Variants in ATXN3 observed in about 807,000 individuals in gnomAD.
The protein encoded by ATXN3 is ataxin 3, also known as ataxin-3.
A neutral mutation model predicts 58.2 loss-of-function variants in ATXN3; 28 were observed. That is an observed-to-expected ratio of 0.48 (90% CI 0.36 to 0.66). The LOEUF (loss-of-function observed/expected upper bound fraction) is 0.66. Among genes scored for constraint, ATXN3 ranks in the 30% least tolerant of loss-of-function variants. ATXN3 has a pLI of 0.00. For synonymous variants in ATXN3, 113 were observed against 138.5 expected (o/e 0.82, Z 1.29); for missense variants, 321 against 422.1 (o/e 0.76, Z 2.10).
chr14:92,104,361 C>T (rs1366572228), intron 1 of ATXN3, among the ~76,000 whole-genome samples: 2 of 152,050 alleles, frequency 1.3e-5, no homozygotes, highest in African/African-American at 4.8e-5. Flanking sequence ...AGGCTGGTCT[C>T]AAACTACTGA....
intron 1 of ATXN3, among the ~76,000 whole-genome samples, chr14:92,099,900 CAGAA>C (rs140285410): frequency 3.3e-5 from 2 of 61,016 alleles, no homozygotes; most frequent in African/African-American, 6.5e-5. Flanking sequence ...GAAAGAAAGA[CAGAA>C]AGAAAGAAAA....
chr14:92,069,488 C>T (rs370588550), intron 10 of ATXN3, among the ~76,000 whole-genome samples: 17 of 151,894 alleles, frequency 1.1e-4, no homozygotes, highest in African/African-American at 4.1e-4. Context: ...ATTCTCCTGC[C>T]TCAGCCTCCT....
At chr14:92,078,811 A>G (rs1462221139) in intron 9 of ATXN3, among the ~76,000 whole-genome samples, 1 of 152,238 alleles carries the variant, frequency 6.6e-6, no homozygotes, top group Admixed American at 6.5e-5. Context: ...GTTATAGAAT[A>G]ATATGATGAT....
In ATXN3 at chr14:92,078,638, C is replaced by T. The variant is rs377369716; in HGVS notation, c.872+2327G>A. Among the ~76,000 whole-genome samples, 336 of 152,186 alleles carry T rather than the reference C, an allele frequency of 2.2e-3. 12 individuals carry two copies. The South Asian group carries it at 0.062, about 28-fold the overall frequency. On this transcript the variant is annotated intron_variant, in intron 9 of 10. Transcript: ENST00000644486. ...TCAGCCTCCCAAAGTGCTGGGATTA[C>T]AGGTGTGAGCCACCGCGCCTGGCCT... is the stretch of plus-strand genomic sequence containing the variant.
chr14:92,103,686 G>A (rs2067395841), intron 1 of ATXN3, among the ~76,000 whole-genome samples: 1 of 152,164 alleles, frequency 6.6e-6, no homozygotes, highest in Admixed American at 6.5e-5. Context: ...CCTCTCTCAG[G>A]CACTGCAGAT....
chr14:92,085,433 G>GC (rs1023815543), intron 6 of ATXN3, among the ~76,000 whole-genome samples: 13 of 151,992 alleles, frequency 8.6e-5, no homozygotes, highest in Admixed American at 6.6e-4. Flanking sequence ...CAAGTGATCT[G>GC]CCCCCTCATC....
intron 2 of ATXN3, among the ~76,000 whole-genome samples, chr14:92,045,651 T>C (rs138300969): frequency 7.2e-5 from 11 of 151,950 alleles, no homozygotes; most frequent in Admixed American, 1.3e-4. Flanking sequence ...TAGATTTCCA[T>C]GATGGAAAGG....
chr14:92,079,865 G>C (rs2061135166), intron 9 of ATXN3, among the ~76,000 whole-genome samples: 1 of 152,086 alleles, frequency 6.6e-6, no homozygotes, highest in South Asian at 2.1e-4. Context: ...AGCCTCCCAA[G>C]TAGCTGGGAT....
At chr14:92,044,980 T>C (rs1179342275) in intron 2 of ATXN3, 1 of 152,148 alleles carries the variant, frequency 6.6e-6, no homozygotes, top group African/African-American at 2.4e-5. Context: ...AAGAGAAGAT[T>C]AGCAGCCTGG....
intron 5 of ATXN3, among the ~76,000 whole-genome samples, chr14:92,093,029 CTT>C (rs770469290): frequency 9.1e-5 from 13 of 142,308 alleles, no homozygotes; most frequent in Admixed American, 8.3e-4. Flanking sequence ...ATGCCTGGCT[CTT>C]TGTTTTTTTT....
chr14:92,086,671 C>T (rs559333737), intron 6 of ATXN3, among the ~76,000 whole-genome samples: 1 of 151,108 alleles, frequency 6.6e-6, no homozygotes, highest in South Asian at 2.1e-4. Flanking sequence ...AGGCAGAGTT[C>T]AAGAAAAGGA....
chr14:92,097,108 C>T (rs1244523628), intron 1 of ATXN3, among the ~76,000 whole-genome samples: 1 of 151,222 alleles, frequency 6.6e-6, no homozygotes, highest in Non-Finnish European at 1.5e-5. Flanking sequence ...GGGGTTTCAT[C>T]CTGTGTTAGC....
chr14:92,071,238 G>C (rs1267614338), intron 9 of ATXN3, 185 bp from the exon 10 acceptor site: 2 of 964,242 alleles, frequency 2.1e-6, no homozygotes, highest in Non-Finnish European at 3.2e-6. Flanking sequence ...GCTGATCTTA[G>C]GAAATCTAGA....
At position 92,062,139 on chromosome 14, in the gene ATXN3, C is replaced by G. The variant is rs1445861282; in HGVS notation, c.*2181G>C. On this transcript the variant is annotated 3_prime_UTR_variant, in exon 11 of 11. Transcript: ENST00000644486. ...GGGTGTGGTGGTGGGCGCCTGTAAT[C>G]CCAGCTACTCTGGAGGCTGAGGCAG... is the stretch of plus-strand genomic sequence containing the variant. The G allele has an allele frequency of 2.0e-5, 3 of 152,126 alleles. No individual in the cohort carries two copies. Among genetic ancestry groups the G allele is most frequent in the Admixed American group, 2.0e-4 (3 of 15,248 alleles). The allele number at this position is 152,126 out of a possible 1,614,324, so 9.4% of individuals were successfully genotyped here.
At chr14:92,081,821 G>A (rs2061531763) in intron 8 of ATXN3, among the ~76,000 whole-genome samples, 1 of 152,114 alleles carries the variant, frequency 6.6e-6, no homozygotes, top group African/African-American at 2.4e-5. Context: ...GATTGTCTAG[G>A]GGATATGTTT....
rs938202310 is a variant in ATXN3, at chr14:92,064,231, C to T, written c.*89G>A. The stretch of plus-strand genomic sequence containing the variant: ...CGCTAAAAGTCTTATTTCCTCATCT[C>T]TTTGACACATTACCAAAGTGGACCC... On this transcript the variant is annotated 3_prime_UTR_variant, in exon 11 of 11. Coordinates refer to ENST00000644486, the MANE Select transcript of ATXN3 (RefSeq NM_004993.6). 5.5e-6 allele frequency: 5 copies of T among 915,818 alleles called. No individual in the cohort carries two copies. In the Admixed American group the frequency reaches 9.6e-5, roughly 18 times the overall value. The allele number at this position is 915,818 out of a possible 1,614,324, so 56.7% of individuals were successfully genotyped here. A position where few individuals can be genotyped will look rare whatever the true frequency, so the allele number is the denominator to read the frequency against.
chr14:92,046,811 A>T (rs548805441), intron 2 of ATXN3, among the ~76,000 whole-genome samples: 3 of 152,322 alleles, frequency 2.0e-5, no homozygotes, highest in African/African-American at 7.2e-5. Context: ...GATCAGTCAG[A>T]CATGATCAGC....
intron 1 of ATXN3, among the ~76,000 whole-genome samples, chr14:92,097,788 G>A (rs1193084978): frequency 6.6e-6 from 1 of 152,036 alleles, no homozygotes; most frequent in African/African-American, 2.4e-5. Flanking sequence ...GCCTCCCTAA[G>A]TTCTGGGATT....
At chr14:92,079,406 A>G in intron 9 of ATXN3, 5 of 968,870 alleles carry the variant, frequency 5.2e-6, no homozygotes, top group Non-Finnish European at 6.1e-6. Flanking sequence ...AAGACTAGAA[A>G]TATCTCACAT....
Sources: allele counts gnomAD v4.1 joint callset (sites outside exome capture counted in the v4.1 genomes callset), GRCh38; gene constraint gnomAD v4.1.1; transcripts MANE v1.5; gene names NCBI Gene and HGNC (gene_info 2026-07-23, HGNC 2026-07-21).